ANGPT1: variants seen among roughly 807,000 people sequenced by gnomAD.
ANGPT1 encodes angiopoietin-1.
In ANGPT1, 17 loss-of-function variants were observed where a neutral mutation model predicts 62.2. The observed-to-expected ratio is 0.27, with a 90% CI of 0.19 to 0.41. The LOEUF (loss-of-function observed/expected upper bound fraction) is 0.41. Among genes scored for constraint, ANGPT1 ranks in the 10% least tolerant of loss-of-function variants. The pLI, the probability that ANGPT1 is intolerant of heterozygous loss-of-function variation, is 1.00. For missense variants in ANGPT1, 478 were observed against 594.9 expected (o/e 0.80, Z 2.04); for synonymous variants, 199 against 198.9 (o/e 1.00, Z 0.00).
At chr8:107,267,351 AG>A (rs1813637194) in intron 7 of ANGPT1, among the ~76,000 whole-genome samples, 1 of 152,150 alleles carries the variant, frequency 6.6e-6, no homozygotes, top group Non-Finnish European at 1.5e-5. Context: ...GGCTGCCTTC[AG>A]GTATCTCTCT....
At chr8:107,267,750 T>A (rs1813647562) in intron 7 of ANGPT1, among the ~76,000 whole-genome samples, 1 of 152,118 alleles carries the variant, frequency 6.6e-6, no homozygotes, top group South Asian at 2.1e-4. Context: ...GCCTTTGAAG[T>A]CTAGTCCTTT....
chr8:107,436,415 G>A (rs1284027202), intron 1 of ANGPT1, among the ~76,000 whole-genome samples: 4 of 152,122 alleles, frequency 2.6e-5, no homozygotes, highest in Non-Finnish European at 5.9e-5. Flanking sequence ...TTGGGCTTTG[G>A]TGCCCTTGGC....
intron 1 of ANGPT1, among the ~76,000 whole-genome samples, chr8:107,428,197 T>C (rs2130396135): frequency 6.6e-6 from 1 of 152,330 alleles, no homozygotes; most frequent in South Asian, 2.1e-4. Context: ...ATGTGGTATA[T>C]AGCTTTCCTT....
At chr8:107,399,360 A>T (rs1398811211) in intron 1 of ANGPT1, among the ~76,000 whole-genome samples, 1 of 152,224 alleles carries the variant, frequency 6.6e-6, no homozygotes, top group Non-Finnish European at 1.5e-5. Flanking sequence ...ACTTGGTTCC[A>T]AGAATGTTAT....
chr8:107,460,776 A>T (rs1812049961), intron 1 of ANGPT1, among the ~76,000 whole-genome samples: 2 of 152,172 alleles, frequency 1.3e-5, no homozygotes, highest in South Asian at 4.1e-4. Context: ...TCTCATTTAG[A>T]TATGATTTTC....
At chr8:107,308,339 A>C (rs1814770211) in intron 4 of ANGPT1, among the ~76,000 whole-genome samples, 1 of 152,184 alleles carries the variant, frequency 6.6e-6, no homozygotes, top group Non-Finnish European at 1.5e-5. Context: ...TAAGTAAGTC[A>C]TGGTAAGGTT....
At chr8:107,271,409 G>A (rs552596120) in intron 7 of ANGPT1, among the ~76,000 whole-genome samples, 4 of 152,070 alleles carry the variant, frequency 2.6e-5, no homozygotes, top group Non-Finnish European at 2.9e-5. Flanking sequence ...AAAATATACA[G>A]TAGTTCAATA....
At chr8:107,407,899 AT>A (rs1817182087) in intron 1 of ANGPT1, among the ~76,000 whole-genome samples, 1 of 152,118 alleles carries the variant, frequency 6.6e-6, no homozygotes, top group Non-Finnish European at 1.5e-5. Flanking sequence ...AGGACTGGGG[AT>A]TATCTGTAAC....
chr8:107,253,026 A>G (rs982057908), intron 8 of ANGPT1, among the ~76,000 whole-genome samples: 1 of 152,216 alleles, frequency 6.6e-6, no homozygotes, highest in Non-Finnish European at 1.5e-5. Flanking sequence ...AATCTTGCAG[A>G]AACTTTAGAA....
intron 5 of ANGPT1, among the ~76,000 whole-genome samples, chr8:107,302,497 G>A (rs1016958199): frequency 6.6e-6 from 1 of 151,818 alleles, no homozygotes; most frequent in East Asian, 1.9e-4. Flanking sequence ...ATAACTATCT[G>A]CATAATTGTC....
chr8:107,397,376 C>G (rs913959113), intron 1 of ANGPT1, among the ~76,000 whole-genome samples: 1 of 152,064 alleles, frequency 6.6e-6, no homozygotes, highest in East Asian at 1.9e-4. Context: ...ATGCTTTTGA[C>G]TCATACAAAT....
chr8:107,348,201 G>A (rs1486469877), intron 1 of ANGPT1, among the ~76,000 whole-genome samples: 1 of 152,140 alleles, frequency 6.6e-6, no homozygotes, highest in African/African-American at 2.4e-5. Context: ...GCTATGACAA[G>A]TCGTGCTTCA....
chr8:107,382,019 A>C (rs988009593), intron 1 of ANGPT1, among the ~76,000 whole-genome samples: 10 of 152,054 alleles, frequency 6.6e-5, no homozygotes, highest in African/African-American at 2.4e-4. Context: ...TATATCAGGA[A>C]TTTTTACTCT....
intron 1 of ANGPT1, among the ~76,000 whole-genome samples, chr8:107,459,396 C>T (rs150851373): frequency 2.6e-5 from 4 of 151,724 alleles, no homozygotes; most frequent in South Asian, 2.1e-4. Context: ...CTAAGTCAGC[C>T]GGAAATCCCT....
At chr8:107,410,383 C>T (rs1306120328) in intron 1 of ANGPT1, among the ~76,000 whole-genome samples, 1 of 152,160 alleles carries the variant, frequency 6.6e-6, no homozygotes, top group African/African-American at 2.4e-5. Flanking sequence ...CTCTGGAATG[C>T]CCTTCCTCCC....
chr8:107,352,872 A>C (rs1293581515), intron 1 of ANGPT1, among the ~76,000 whole-genome samples: 1 of 152,144 alleles, frequency 6.6e-6, no homozygotes, highest in Non-Finnish European at 1.5e-5. Context: ...AATGCAAAAA[A>C]TGCCTTAAAT....
intron 8 of ANGPT1, among the ~76,000 whole-genome samples, chr8:107,257,885 TTGTTTGTTTG>T (rs1169199387): frequency 2.0e-5 from 2 of 97,874 alleles, no homozygotes; most frequent in Admixed American, 1.0e-4. Flanking sequence ...TGTTTCTTTT[TTGTTTGTTTG>T]TTTGTTTGTT....
chr8:107,347,209 CG>C, intron 1 of ANGPT1, 112 bp from the exon 2 acceptor site: 1 of 1,086,648 alleles, frequency 9.2e-7, no homozygotes, highest in Non-Finnish European at 1.3e-6. Flanking sequence ...AGCCATCTGG[CG>C]GGGATCCTCT....
rs1026257174 is a variant in ANGPT1, at chr8:107,481,405, G to A, written c.297+15857C>T. On this transcript the variant is annotated intron_variant, in intron 1 of 8. Coordinates refer to ENST00000517746, the MANE Select transcript of ANGPT1 (RefSeq NM_001146.5). ...AAAAATTAGCCAGGCGCGGTGGCGG[G>A]CTCCTGTAGTCCCAGCTACTTGGGA... is the stretch of plus-strand genomic sequence containing the variant. 2.0e-5 allele frequency among the ~76,000 whole-genome samples: 3 copies of A among 151,474 alleles called. No homozygotes were observed. In the East Asian group the frequency reaches 5.8e-4, roughly 29 times the overall value.
Sources: gnomAD v4.1 joint callset for allele counts (sites outside exome capture counted in the v4.1 genomes callset) on GRCh38, gnomAD v4.1.1 for gene constraint, MANE v1.5 for transcripts, NCBI Gene and HGNC (gene_info 2026-07-23, HGNC 2026-07-21) for gene names.